The following FARS2 variants were observed in gnomAD, a reference collection of about 807,000 sequenced individuals.
The protein encoded by FARS2 is phenylalanine--tRNA ligase, mitochondrial.
Under a neutral mutation model 46.4 loss-of-function variants are expected in FARS2, and 40 were observed. The ratio of observed to expected loss-of-function variants is 0.86; its 90% CI spans 0.67 to 1.12. The LOEUF (loss-of-function observed/expected upper bound fraction) is 1.12. FARS2 is among the 50% of genes most tolerant of loss of function. The pLI is 0.00. For missense variants in FARS2, 513 were observed against 567.9 expected (o/e 0.90, Z 0.98); for synonymous variants, 234 against 214.9 (o/e 1.09, Z -0.78).
intron 6 of FARS2, among the ~76,000 whole-genome samples, chr6:5,729,890 A>G (rs115933073): frequency 0.037 from 5,687 of 152,326 alleles, 147 homozygotes; most frequent in Non-Finnish European, 0.055. Flanking sequence ...ATTCTTTATC[A>G]TGGGGGCTGA....
chr6:5,498,285 G>A (rs1416549956), intron 4 of FARS2, among the ~76,000 whole-genome samples: 1 of 152,192 alleles, frequency 6.6e-6, no homozygotes. Context: ...TATTTGAGTG[G>A]TAGAGTTTTC....
At chr6:5,729,672 C>T (rs988176810) in intron 6 of FARS2, among the ~76,000 whole-genome samples, 5 of 152,002 alleles carry the variant, frequency 3.3e-5, no homozygotes, top group South Asian at 2.1e-4. Context: ...CAAGGATGGA[C>T]GTGTAGGTTA....
At chr6:5,643,585 C>A (rs921906926) in intron 6 of FARS2, among the ~76,000 whole-genome samples, 3 of 152,266 alleles carry the variant, frequency 2.0e-5, no homozygotes, top group African/African-American at 7.2e-5. Flanking sequence ...ACATGCTACC[C>A]TTATATACAA....
intron 6 of FARS2, among the ~76,000 whole-genome samples, chr6:5,672,080 G>A (rs892635892): frequency 1.2e-4 from 18 of 152,206 alleles, no homozygotes; most frequent in Non-Finnish European, 2.4e-4. Context: ...AGAAGGATGA[G>A]TAGATGAACA....
rs189444711 is a variant in FARS2 at position 5,765,718 on chromosome 6, C to T, written c.1218-5573C>T. ...TACCAGCCCCTCCTGCTGTCATGGG[C>T]GTACTAGGGAACAGTCCTTTGCTCA... On this transcript the variant is annotated intron_variant, in intron 6 of 6. Coordinates refer to ENST00000274680, the MANE Select transcript of FARS2 (RefSeq NM_006567.5). This position sits in a 1 kb window ranked among gnomAD's most constrained non-coding sequence, Gnocchi z 4.0. Among the ~76,000 whole-genome samples the T allele has an allele frequency of 1.3e-5, 2 of 152,248 alleles. No homozygotes were observed. The highest frequency in any genetic ancestry group is 2.4e-5 in the African/African-American group (1 of 41,534).
chr6:5,318,629 C>A (rs906597953), intron 1 of FARS2, among the ~76,000 whole-genome samples: 3 of 152,136 alleles, frequency 2.0e-5, no homozygotes, highest in African/African-American at 7.2e-5. Context: ...AACGAAAGTA[C>A]GCTGCACAGA....
intron 6 of FARS2, among the ~76,000 whole-genome samples, chr6:5,680,576 A>G (rs1243826627): frequency 6.6e-6 from 1 of 152,202 alleles, no homozygotes; most frequent in Non-Finnish European, 1.5e-5. Context: ...TATATGGAAG[A>G]TGGTTTATTG....
At chr6:5,632,057 CTTTGTA>C (rs1278076865) in intron 6 of FARS2, among the ~76,000 whole-genome samples, 1 of 152,162 alleles carries the variant, frequency 6.6e-6, no homozygotes, top group Non-Finnish European at 1.5e-5. Context: ...TAATTTCAAA[CTTTGTA>C]TTTGTTTATC....
intron 2 of FARS2, among the ~76,000 whole-genome samples, chr6:5,385,538 C>T (rs1290093353): frequency 1.3e-5 from 2 of 151,920 alleles, no homozygotes; most frequent in African/African-American, 4.8e-5. Flanking sequence ...TCTTCTGCCT[C>T]AGCCTCCCAA....
At position 5,471,491 on chromosome 6, in the gene FARS2, T is replaced by A. The variant is rs1582202060; in HGVS notation, c.904+40319T>A. ...TTAATTTCCTCTTGAATAATTCCTT[T>A]AATGAAGGACATATGAGATTTTTGC... On this transcript the variant is annotated intron_variant, in intron 4 of 6. Coordinates refer to ENST00000274680, the MANE Select transcript of FARS2 (RefSeq NM_006567.5). The surrounding 1 kb of genome is among the most constrained non-coding windows in gnomAD (Gnocchi z 4.1). Among the ~76,000 whole-genome samples the A allele has an allele frequency of 1.3e-5, 2 of 152,232 alleles. No homozygotes were observed. Among genetic ancestry groups the A allele is most frequent in the East Asian group, 3.8e-4 (2 of 5,202 alleles).
At chr6:5,526,182 G>A (rs1340685245) in intron 4 of FARS2, among the ~76,000 whole-genome samples, 1 of 152,180 alleles carries the variant, frequency 6.6e-6, no homozygotes, top group African/African-American at 2.4e-5. Context: ...TCAAGTGGAA[G>A]GAAAGAGTTG....
At chr6:5,522,000 CTT>C (rs989895873) in intron 4 of FARS2, among the ~76,000 whole-genome samples, 1 of 152,202 alleles carries the variant, frequency 6.6e-6, no homozygotes, top group African/African-American at 2.4e-5. Flanking sequence ...TTATGTAACT[CTT>C]TGGTGACTCC....
intron 3 of FARS2, among the ~76,000 whole-genome samples, chr6:5,424,895 A>C (rs1762761433): frequency 6.6e-6 from 1 of 152,240 alleles, no homozygotes; most frequent in Non-Finnish European, 1.5e-5. Context: ...GAATCATCAG[A>C]TGTCTTTGAC....
intron 5 of FARS2, among the ~76,000 whole-genome samples, chr6:5,560,205 G>GT (rs1425461151): frequency 6.6e-6 from 1 of 152,074 alleles, no homozygotes; most frequent in African/African-American, 2.4e-5. Flanking sequence ...CTTCTTGTAA[G>GT]TTTTTTGTAA....
At chr6:5,670,416 C>T (rs1371157283) in intron 6 of FARS2, among the ~76,000 whole-genome samples, 1 of 152,166 alleles carries the variant, frequency 6.6e-6, no homozygotes, top group Non-Finnish European at 1.5e-5. Flanking sequence ...CCCTACTAAA[C>T]TTTTAGCTTC....
At chr6:5,480,959 G>T (rs894243691) in intron 4 of FARS2, among the ~76,000 whole-genome samples, 2 of 152,218 alleles carry the variant, frequency 1.3e-5, no homozygotes, top group Admixed American at 6.5e-5. Flanking sequence ...ACGTGCATTT[G>T]TGCATGTGCT....
chr6:5,430,498 A>T (rs1286111960), intron 3 of FARS2, among the ~76,000 whole-genome samples: 1 of 152,026 alleles, frequency 6.6e-6, no homozygotes, highest in Admixed American at 6.5e-5. Flanking sequence ...GACTTTAAAA[A>T]TGTTTTACTT....
intron 4 of FARS2, among the ~76,000 whole-genome samples, chr6:5,481,172 G>A (rs1047727423): frequency 2.0e-5 from 3 of 152,214 alleles, no homozygotes; most frequent in African/African-American, 4.8e-5. Flanking sequence ...TTCTCGTCTC[G>A]GTTCAGAACG....
chr6:5,714,912 C>A (rs1759400991), intron 6 of FARS2, among the ~76,000 whole-genome samples: 1 of 152,154 alleles, frequency 6.6e-6, no homozygotes, highest in South Asian at 2.1e-4. Context: ...CTAATCCCAG[C>A]TGCTGAGGAG....
Sources: allele counts gnomAD v4.1 joint callset (sites outside exome capture counted in the v4.1 genomes callset), GRCh38; gene constraint gnomAD v4.1.1; non-coding constraint Gnocchi (gnomAD v3.1); transcripts MANE v1.5; gene names NCBI Gene and HGNC (gene_info 2026-07-23, HGNC 2026-07-21).